The following GPBP1 variants were observed in gnomAD, a reference collection of about 807,000 sequenced individuals.
GPBP1 encodes vasculin.
GPBP1 carries 13 observed loss-of-function variants against 56.5 expected under a neutral mutation model. The ratio of observed to expected loss-of-function variants is 0.23; its 90% confidence interval spans 0.15 to 0.37. The LOEUF (loss-of-function observed/expected upper bound fraction) is 0.37, where lower values mean the gene tolerates loss of function less well. Among genes scored for constraint, GPBP1 ranks in the 10% least tolerant of loss-of-function variants. GPBP1 has a pLI of 1.00. For synonymous variants in GPBP1, 204 were observed against 188.9 expected (o/e 1.08, Z -0.66); for missense variants, 477 against 572.3 (o/e 0.83, Z 1.70).
intron 1 of GPBP1, among the ~76,000 whole-genome samples, chr5:57,174,920 C>T (rs1478994422): frequency 1.3e-5 from 2 of 152,130 alleles, no homozygotes; most frequent in African/African-American, 4.8e-5. Context: ...GCGGGTTTGC[C>T]CTACTTCTAG....
rs151182895 is a variant in GPBP1, at chr5:57,197,444, C to T, written c.-57-16630C>T. Among the ~76,000 whole-genome samples the T allele has an allele frequency of 4.9e-3, 737 of 150,422 alleles. 8 individuals carry two copies. The highest frequency in any genetic ancestry group is 0.016 in the African/African-American group (665 of 40,680). ...TGCGATCTTAGCTCACTGCAACCTC[C>T]GCCTCCTGGTTCAAGCAGTTCTCCT... On this transcript the variant is annotated intron_variant, in intron 2 of 11. Transcript: ENST00000506184.
chr5:57,210,006 T>C (rs1338534303), intron 2 of GPBP1, among the ~76,000 whole-genome samples: 1 of 152,192 alleles, frequency 6.6e-6, no homozygotes, highest in Non-Finnish European at 1.5e-5. Context: ...TTTAAAGTTT[T>C]CTGAAATCAT....
chr5:57,241,408 A>G (rs530854290), intron 6 of GPBP1, among the ~76,000 whole-genome samples: 18 of 152,308 alleles, frequency 1.2e-4, no homozygotes, highest in African/African-American at 4.3e-4. Flanking sequence ...TAACAAGACA[A>G]TAAAAGTGAT....
intron 7 of GPBP1, 27 bp downstream of exon 7, chr5:57,246,511 A>G: frequency 1.3e-6 from 2 of 1,567,232 alleles, no homozygotes; most frequent in South Asian, 2.3e-5. Context: ...CACAAATGTA[A>G]ATTTTGAGTT....
chr5:57,228,574 A>C (rs1031456833), intron 3 of GPBP1, among the ~76,000 whole-genome samples: 1 of 11,298 alleles, frequency 8.9e-5, no homozygotes, highest in Admixed American at 1.4e-3. Flanking sequence ...CAGGAGTTCA[A>C]GTCTGGCTTG....
intron 2 of GPBP1, among the ~76,000 whole-genome samples, chr5:57,182,955 T>C (rs1754123662): frequency 1.3e-5 from 2 of 152,222 alleles, no homozygotes; most frequent in Admixed American, 1.3e-4. Context: ...ACTGTTGGGA[T>C]TACAGGCATG....
At chr5:57,201,039 G>T (rs1183444303) in intron 2 of GPBP1, among the ~76,000 whole-genome samples, 1 of 151,508 alleles carries the variant, frequency 6.6e-6, no homozygotes. Flanking sequence ...GGCCAGGCTG[G>T]TCTTGAACTC....
intron 10 of GPBP1, among the ~76,000 whole-genome samples, chr5:57,258,219 C>G (rs73757332): frequency 0.02 from 2,983 of 152,138 alleles, 75 homozygotes; most frequent in African/African-American, 0.067. Context: ...AATGAAAAAG[C>G]AAAGTACAGA....
At chr5:57,255,192 TCTTCTCTCCC>T (rs140504585) in intron 10 of GPBP1, among the ~76,000 whole-genome samples, 16,554 of 152,110 alleles carry the variant, frequency 0.11, 959 homozygotes, top group South Asian at 0.13. Flanking sequence ...GTCCTCTCTC[TCTTCTCTCCC>T]CTTCTCTTTC....
chr5:57,220,972 C>G (rs1755936027), intron 3 of GPBP1, among the ~76,000 whole-genome samples: 1 of 152,036 alleles, frequency 6.6e-6, no homozygotes, highest in African/African-American at 2.4e-5. Flanking sequence ...TAATATTGTT[C>G]TGAGTAATTG....
intron 3 of GPBP1, among the ~76,000 whole-genome samples, chr5:57,227,846 ACT>A (rs1484487052): frequency 2.0e-5 from 3 of 152,138 alleles, no homozygotes; most frequent in African/African-American, 7.2e-5. Flanking sequence ...CTCTTGAAAG[ACT>A]CTGACATATA....
At chr5:57,197,208 A>G (rs977233718) in intron 2 of GPBP1, among the ~76,000 whole-genome samples, 1 of 152,074 alleles carries the variant, frequency 6.6e-6, no homozygotes, top group South Asian at 2.1e-4. Flanking sequence ...AGTAATTTAT[A>G]TAGTAGTTTA....
At chr5:57,209,119 G>T (rs1311677796) in intron 2 of GPBP1, among the ~76,000 whole-genome samples, 2 of 151,964 alleles carry the variant, frequency 1.3e-5, no homozygotes, top group African/African-American at 4.8e-5. Flanking sequence ...TTCTTTTTTG[G>T]ATTGTTAATA....
intron 2 of GPBP1, among the ~76,000 whole-genome samples, chr5:57,190,556 C>T (rs1754475936): frequency 6.7e-6 from 1 of 150,312 alleles, no homozygotes; most frequent in African/African-American, 2.4e-5. Context: ...TGCACTCCAG[C>T]CTGGGTGACA....
chr5:57,238,288 C>A (rs1740632412), intron 6 of GPBP1, among the ~76,000 whole-genome samples: 1 of 152,040 alleles, frequency 6.6e-6, no homozygotes, highest in African/African-American at 2.4e-5. Flanking sequence ...TAGTGGCGAC[C>A]AGGCATGGTG....
At chr5:57,234,960 C>T (rs1756602744) in intron 5 of GPBP1, among the ~76,000 whole-genome samples, 1 of 152,062 alleles carries the variant, frequency 6.6e-6, no homozygotes, top group South Asian at 2.1e-4. Flanking sequence ...GACTTCTGAT[C>T]TACAGAGCTA....
chr5:57,247,236 C>T (rs1393224972), intron 8 of GPBP1, 21 bp downstream of exon 8: 1 of 1,580,574 alleles, frequency 6.3e-7, no homozygotes, highest in Non-Finnish European at 8.6e-7. Context: ...AAAAATCACA[C>T]TTGAGGAATG....
chr5:57,218,238 C>T (rs1755784908), intron 3 of GPBP1, among the ~76,000 whole-genome samples: 1 of 152,076 alleles, frequency 6.6e-6, no homozygotes, highest in South Asian at 2.1e-4. Flanking sequence ...GGTCAGATCC[C>T]ACAGGTTAAA....
intron 11 of GPBP1, among the ~76,000 whole-genome samples, chr5:57,262,244 A>G (rs369504994): frequency 3.9e-5 from 6 of 152,070 alleles, no homozygotes; most frequent in African/African-American, 1.4e-4. Context: ...ACCTCATTCT[A>G]CTTTACAAAC....
Sources: allele counts gnomAD v4.1 joint callset (sites outside exome capture counted in the v4.1 genomes callset), GRCh38; gene constraint gnomAD v4.1.1; transcripts MANE v1.5; gene names NCBI Gene and HGNC (gene_info 2026-07-23, HGNC 2026-07-21).